Variants in PTDSS1 observed in about 807,000 individuals in gnomAD.
PTDSS1 encodes PSS-1.
In PTDSS1, 45 loss-of-function variants were observed where a neutral mutation model predicts 70.5. The ratio of observed to expected loss-of-function variants is 0.64; its 90% CI spans 0.50 to 0.82. PTDSS1 has a LOEUF of 0.82. Ranked by LOEUF, PTDSS1 falls within the 40% of genes least tolerant of loss-of-function variation. The probability of loss-of-function intolerance (pLI) is 0.00; values close to 1 mark genes in which losing one functional copy is unlikely to be tolerated. For synonymous variants in PTDSS1, 188 were observed against 203.8 expected (o/e 0.92, Z 0.66); for missense variants, 417 against 586.1 (o/e 0.71, Z 2.98).
intron 9 of PTDSS1, among the ~76,000 whole-genome samples, chr8:96,317,071 G>GTGTGTGTATATA (rs33916906): frequency 1.3e-5 from 2 of 148,522 alleles, no homozygotes; most frequent in African/African-American, 2.5e-5. Flanking sequence ...GTGTGTGTGT[G>GTGTGTGTATATA]TATATATATA....
At chr8:96,283,998 A>T in intron 2 of PTDSS1, 111 bp from the exon 3 acceptor site, 1 of 841,868 alleles carries the variant, frequency 1.2e-6, no homozygotes, top group Admixed American at 2.8e-5. Context: ...AAAACTTTTA[A>T]CAGTAGAGAG....
At chr8:96,331,358 G>A (rs768875749) in intron 12 of PTDSS1, among the ~76,000 whole-genome samples, 1 of 151,852 alleles carries the variant, frequency 6.6e-6, no homozygotes. Flanking sequence ...TGACACCCCC[G>A]TCTCTACAAA....
At chr8:96,326,038 G>C (rs1811433589) in intron 10 of PTDSS1, among the ~76,000 whole-genome samples, 1 of 152,124 alleles carries the variant, frequency 6.6e-6, no homozygotes, top group Admixed American at 6.5e-5. Flanking sequence ...TATGAAATCT[G>C]CTTGTGTGTT....
At chr8:96,300,517 A>G (rs1242819930) in intron 6 of PTDSS1, among the ~76,000 whole-genome samples, 3 of 152,208 alleles carry the variant, frequency 2.0e-5, no homozygotes, top group Non-Finnish European at 4.4e-5. Context: ...AGTAGAGGAC[A>G]GTCATACCGC....
intron 2 of PTDSS1, among the ~76,000 whole-genome samples, chr8:96,276,241 G>T (rs1481762102): frequency 6.6e-6 from 1 of 152,194 alleles, no homozygotes; most frequent in Non-Finnish European, 1.5e-5. Flanking sequence ...GAGTATTGGG[G>T]CTTCATTAGC....
chr8:96,271,427 A>G (rs1810564425), intron 1 of PTDSS1, among the ~76,000 whole-genome samples: 1 of 152,170 alleles, frequency 6.6e-6, no homozygotes, highest in South Asian at 2.1e-4. Context: ...ACTGGACCAT[A>G]ATTTCTTTAC....
intron 2 of PTDSS1, among the ~76,000 whole-genome samples, chr8:96,276,980 G>GCACACA (rs57116529): frequency 6.0e-4 from 88 of 146,006 alleles, no homozygotes; most frequent in African/African-American, 1.8e-3. Context: ...GCACGCGCGC[G>GCACACA]CACACACACA....
intron 1 of PTDSS1, among the ~76,000 whole-genome samples, chr8:96,265,811 G>A (rs1586178923): frequency 6.6e-6 from 1 of 152,210 alleles, no homozygotes; most frequent in Non-Finnish European, 1.5e-5. Context: ...GAATAAGTAG[G>A]CTGGGTGCAA....
In PTDSS1 at chr8:96,311,319, G is replaced by A. The variant is rs576521547; in HGVS notation, c.1073+1697G>A. On this transcript the variant is annotated intron_variant, in intron 9 of 12. Coordinates refer to ENST00000517309, the MANE Select transcript of PTDSS1 (RefSeq NM_014754.3). Reference sequence around the variant, plus strand: ...CTAATCGAGGTTCTAAATGGAGTATGAGAGTATAAAGAAAAATTGAGGAAA... The same window carrying A: ...CTAATCGAGGTTCTAAATGGAGTATAAGAGTATAAAGAAAAATTGAGGAAA... Among the ~76,000 whole-genome samples the A allele has an allele frequency of 9.4e-4, 143 of 152,316 alleles. 3 individuals are homozygous for A. The highest frequency in any genetic ancestry group is 8.2e-4 in the Non-Finnish European group (56 of 68,026).
intron 8 of PTDSS1, 89 bp from the exon 9 acceptor site, chr8:96,309,468 C>T (rs1041653081): frequency 6.3e-5 from 75 of 1,199,948 alleles, no homozygotes; most frequent in Admixed American, 1.8e-4. Flanking sequence ...CAAGGAGGGA[C>T]GTTTTTTACT....
intron 6 of PTDSS1, among the ~76,000 whole-genome samples, 179 bp from the exon 7 acceptor site, chr8:96,303,861 C>T (rs1159297150): frequency 6.6e-6 from 1 of 152,156 alleles, no homozygotes; most frequent in African/African-American, 2.4e-5. Flanking sequence ...ATTGAGTGTG[C>T]TTCTGTCACC....
At chr8:96,311,689 A>G (rs766644410) in intron 9 of PTDSS1, among the ~76,000 whole-genome samples, 20 of 152,180 alleles carry the variant, frequency 1.3e-4, no homozygotes, top group Non-Finnish European at 2.4e-4. Flanking sequence ...CTTAGGTTCT[A>G]TGGTGTAAGC....
intron 2 of PTDSS1, among the ~76,000 whole-genome samples, chr8:96,274,623 G>T (rs893382713): frequency 1.3e-5 from 2 of 152,202 alleles, no homozygotes; most frequent in Admixed American, 6.5e-5. Flanking sequence ...TACTCGCGAA[G>T]CTGAGGCAGG....
At chr8:96,299,944 G>A in intron 6 of PTDSS1, 99 bp downstream of exon 6, 1 of 1,377,516 alleles carries the variant, frequency 7.3e-7, no homozygotes, top group South Asian at 1.5e-5. Flanking sequence ...TGATGATAAG[G>A]AATAAATTCC....
intron 6 of PTDSS1, 136 bp from the exon 7 acceptor site, chr8:96,303,904 C>A: frequency 1.0e-6 from 1 of 978,148 alleles, no homozygotes; most frequent in Non-Finnish European, 1.5e-6. Context: ...CTTTGAGACA[C>A]AATTCAAATA....
At position 96,262,400 on chromosome 8, in the gene PTDSS1, C is replaced by T. The variant is rs988183403; in HGVS notation, c.179+181C>T. ...TCCGCCCGCCCGGTGTCTCACAGTA[C>T]GCTAGCCTGCTCCCCTACCCCTCAG... On this transcript the variant is annotated intron_variant, in intron 1 of 12. Coordinates refer to ENST00000517309, the MANE Select transcript of PTDSS1 (RefSeq NM_014754.3). The surrounding 1 kb of genome is among the most constrained non-coding windows in gnomAD (Gnocchi z 4.4). Among the ~76,000 whole-genome samples, 4 of 152,332 alleles carry T rather than the reference C, an allele frequency of 2.6e-5. No individual in the cohort carries two copies. The highest frequency in any genetic ancestry group is 9.6e-5 in the African/African-American group (4 of 41,582).
At chr8:96,304,237 T>G in intron 7 of PTDSS1, 56 bp downstream of exon 7, 1 of 1,541,124 alleles carries the variant, frequency 6.5e-7, no homozygotes, top group Non-Finnish European at 8.8e-7. Flanking sequence ...AATAAAAACT[T>G]TTTAGGAATT....
rs770288541 is a variant in PTDSS1, at chr8:96,333,475, C to G, written c.1331C>G (p.Pro444Arg). 6.2e-7 allele frequency: 1 copy of G among 1,613,638 alleles called. No individual in the cohort carries two copies. Among genetic ancestry groups the G allele is most frequent in the African/African-American group, 1.3e-5 (1 of 74,876 alleles). The part of the protein sequence containing the change: ...KGTKGSEDSP[P>R]KHAGNNESHS... ...TGGCCAGGTTCTGAAGACAGCCCAC[C>G]CAAGCATGCAGGCAACAACGAAAGC... is the stretch of plus-strand genomic sequence containing the variant. The change falls in exon 13 of 13, where the codon CCC becomes CGC. Residue 444 changes from proline to arginine, a missense_variant. Physicochemically the swap from Pro to Arg is moderately radical, Grantham distance 103 (BLOSUM62 -2). Coordinates refer to ENST00000517309, the MANE Select transcript of PTDSS1 (RefSeq NM_014754.3).
rs903958284 is a variant in PTDSS1 at position 96,271,736 on chromosome 8, C to T, written c.180-1563C>T. Among the ~76,000 whole-genome samples, 13 of 152,306 alleles carry T rather than the reference C, an allele frequency of 8.5e-5. 1 individual carries two copies. Among genetic ancestry groups the T allele is most frequent in the African/African-American group, 3.1e-4 (13 of 41,584 alleles). On this transcript the variant is annotated intron_variant, in intron 1 of 12. Transcript: ENST00000517309. The stretch of plus-strand genomic sequence containing the variant: ...TCAGTCATTAAAGTTTTACCTTTAT[C>T]AATAAGGTAGATTTTAAAAACAGTT...
Sources: gnomAD v4.1 joint callset for allele counts (sites outside exome capture counted in the v4.1 genomes callset) on GRCh38, gnomAD v4.1.1 for gene constraint, Gnocchi (gnomAD v3.1) non-coding constraint, MANE v1.5 for transcripts, NCBI Gene and HGNC (gene_info 2026-07-23, HGNC 2026-07-21) for gene names.